Variants in PRKG1 observed in about 807,000 individuals in gnomAD.
The protein encoded by PRKG1 is cGMP-dependent protein kinase 1.
In PRKG1, 35 loss-of-function variants were observed where a neutral mutation model predicts 88.1. The ratio of observed to expected loss-of-function variants is 0.40; its 90% CI spans 0.30 to 0.53. The LOEUF is 0.53. Ranked by LOEUF, PRKG1 falls within the 20% of genes least tolerant of loss-of-function variation. The pLI is 0.59. For synonymous variants in PRKG1, 303 were observed against 292.5 expected, an observed-to-expected ratio of 1.04 and a Z score of -0.37; for missense variants, 540 against 839.8, an observed-to-expected ratio of 0.64 and a Z score of 4.41.
intron 3 of PRKG1, among the ~76,000 whole-genome samples, chr10:51,553,155 T>C: frequency 6.6e-6 from 1 of 151,690 alleles, no homozygotes; most frequent in Non-Finnish European, 1.5e-5. Context: ...TTCAAAAATC[T>C]TCTTGCTGAG....
chr10:51,691,403 G>A (rs12262946), intron 3 of PRKG1, among the ~76,000 whole-genome samples: 7,193 of 151,472 alleles, frequency 0.047, 584 homozygotes, highest in African/African-American at 0.17. Context: ...CACCTCCTGG[G>A]CTGAAGTGAT....
At chr10:51,482,262 C>T (rs570541937) in intron 3 of PRKG1, among the ~76,000 whole-genome samples, 158 of 152,154 alleles carry the variant, frequency 1.0e-3, no homozygotes, top group African/African-American at 3.7e-3. Flanking sequence ...GAGTTATTTA[C>T]CCCCTCTGAA....
At chr10:51,467,603 T>C (rs1588987568) in intron 2 of PRKG1, 120 bp from the exon 3 acceptor site, 3 of 697,518 alleles carry the variant, frequency 4.3e-6, no homozygotes, top group East Asian at 5.5e-5. Context: ...GTGGTGACTT[T>C]GTTTTAATTG....
chr10:51,343,728 C>T (rs1411772373), intron 2 of PRKG1, among the ~76,000 whole-genome samples: 1 of 152,108 alleles, frequency 6.6e-6, no homozygotes, highest in Non-Finnish European at 1.5e-5. Flanking sequence ...TCACTTAGCA[C>T]ATTAGTTTAA....
chr10:51,196,152 A>G lies in PRKG1; in HGVS notation c.478+42822A>G, dbSNP rs1564634352. Among the ~76,000 whole-genome samples the G allele has an allele frequency of 1.3e-5, 2 of 152,192 alleles. 1 individual carries two copies. The highest frequency in any genetic ancestry group is 3.9e-4 in the East Asian group (2 of 5,188). ...AGGCTATAGATTGGTCTTTAGTAGG[A>G]CAAGGTTGGTGTTTAGCATTATTGC... On this transcript the variant is annotated intron_variant, in intron 2 of 17. Transcript: ENST00000373980.
chr10:51,118,007 C>T (rs1845168889), intron 1 of PRKG1, among the ~76,000 whole-genome samples: 1 of 152,104 alleles, frequency 6.6e-6, no homozygotes, highest in Non-Finnish European at 1.5e-5. Flanking sequence ...AGGGGGTTTT[C>T]ACTAAAATCT....
chr10:51,725,680 C>A (rs1234079053), intron 3 of PRKG1, among the ~76,000 whole-genome samples: 1 of 150,800 alleles, frequency 6.6e-6, no homozygotes, highest in African/African-American at 2.4e-5. Flanking sequence ...GTAGCCCAGG[C>A]TAGAGTACAG....
chr10:51,392,733 C>T (rs1463453682), intron 2 of PRKG1, among the ~76,000 whole-genome samples: 10 of 142,926 alleles, frequency 7.0e-5, no homozygotes, highest in South Asian at 2.1e-4. Flanking sequence ...CCTCACCTCC[C>T]GGACGGGGCG....
intron 3 of PRKG1, among the ~76,000 whole-genome samples, chr10:51,798,037 C>T (rs1242872374): frequency 1.3e-5 from 2 of 152,042 alleles, no homozygotes; most frequent in African/African-American, 2.4e-5. Flanking sequence ...ATTTTGTTTA[C>T]TCATTCATCC....
At chr10:51,511,774 T>C (rs1841419745) in intron 3 of PRKG1, among the ~76,000 whole-genome samples, 1 of 152,208 alleles carries the variant, frequency 6.6e-6, no homozygotes, top group African/African-American at 2.4e-5. Flanking sequence ...GCAGTATCTA[T>C]TAAAGCTGAA....
At chr10:52,141,171 C>G (rs1837571543) in intron 8 of PRKG1, among the ~76,000 whole-genome samples, 1 of 152,040 alleles carries the variant, frequency 6.6e-6, no homozygotes, top group Admixed American at 6.6e-5. Context: ...GTGTATTAAG[C>G]AGGAAAGATA....
intron 10 of PRKG1, among the ~76,000 whole-genome samples, chr10:52,262,166 A>G (rs1311104443): frequency 6.6e-6 from 1 of 152,144 alleles, no homozygotes; most frequent in Non-Finnish European, 1.5e-5. Flanking sequence ...AGTAGTAATG[A>G]TCATTCTTAT....
rs533767974 is a variant in PRKG1 at position 51,184,452 on chromosome 10, G to A, written c.478+31122G>A. On this transcript the variant is annotated intron_variant, in intron 2 of 17. Coordinates refer to ENST00000373980, the MANE Select transcript of PRKG1 (RefSeq NM_006258.4). ...AATTTATACATCAATCAGCATCACC[G>A]TATTTTGTTTCCAAACATGCTAAAG... 1.6e-4 allele frequency among the ~76,000 whole-genome samples: 24 copies of A among 151,514 alleles called. No individual in the cohort carries two copies. In the East Asian group the frequency reaches 3.5e-3, roughly 22 times the overall value.
At chr10:51,714,091 T>C (rs562051640) in intron 3 of PRKG1, among the ~76,000 whole-genome samples, 11 of 152,298 alleles carry the variant, frequency 7.2e-5, no homozygotes, top group Admixed American at 2.0e-4. Context: ...GCCATTCTCC[T>C]GCCTCAGCCT....
At chr10:51,157,796 AATC>A (rs1472015089) in intron 2 of PRKG1, among the ~76,000 whole-genome samples, 2 of 151,776 alleles carry the variant, frequency 1.3e-5, no homozygotes, top group African/African-American at 4.8e-5. Flanking sequence ...TTTTCGATGA[AATC>A]ATCAATTTTT....
intron 6 of PRKG1, among the ~76,000 whole-genome samples, chr10:52,062,180 T>C (rs1213886890): frequency 6.6e-6 from 1 of 152,084 alleles, no homozygotes; most frequent in East Asian, 1.9e-4. Context: ...ATTTTAAAAA[T>C]TCATGTACAT....
intron 3 of PRKG1, among the ~76,000 whole-genome samples, chr10:51,476,953 C>A (rs74774318): frequency 0.013 from 2,014 of 151,804 alleles, 41 homozygotes; most frequent in African/African-American, 0.043. Context: ...TTACAATAGT[C>A]CTGCACTTTA....
At chr10:51,310,809 G>A (rs1442171608) in intron 2 of PRKG1, among the ~76,000 whole-genome samples, 1 of 152,140 alleles carries the variant, frequency 6.6e-6, no homozygotes, top group African/African-American at 2.4e-5. Flanking sequence ...TGCCCTCTAG[G>A]TGGGTAGGCA....
intron 5 of PRKG1, chr10:51,908,707 C>CATCTATCTATCTA (rs1842140675): frequency 7.1e-6 from 1 of 141,652 alleles, no homozygotes; most frequent in Non-Finnish European, 1.5e-5. Flanking sequence ...CTCTCTCTCT[C>CATCTATCTATCTA]TCTCTCTGTC....
Sources: allele counts gnomAD v4.1 joint callset (sites outside exome capture counted in the v4.1 genomes callset), GRCh38; gene constraint gnomAD v4.1.1; transcripts MANE v1.5; gene names NCBI Gene and HGNC (gene_info 2026-07-23, HGNC 2026-07-21).